Variants in TCAF1 observed in about 807,000 individuals in gnomAD.
TCAF1 encodes the protein TRPM8 channel-associated factor 1.
Under a neutral mutation model 27.3 loss-of-function variants are expected in TCAF1, and 4 were observed. That is an observed-to-expected ratio of 0.15 (90% CI 0.07 to 0.34). TCAF1 has a LOEUF of 0.34. TCAF1 is among the 10% of genes least tolerant of loss of function. TCAF1 has a pLI of 1.00. For missense variants in TCAF1, 257 were observed against 425.8 expected, an observed-to-expected ratio of 0.60 and a Z score of 3.49; for synonymous variants, 105 against 167.1, an observed-to-expected ratio of 0.63 and a Z score of 2.87.
At position 143,860,196 on chromosome 7, in the gene TCAF1, T is replaced by C; in HGVS notation, c.2167+12A>G. 4.3e-6 allele frequency: 1 copy of C among 233,474 alleles called. No individual in the cohort carries two copies. The highest frequency in any genetic ancestry group is 7.6e-6 in the Non-Finnish European group (1 of 132,166). 14.5% of individuals were successfully genotyped at this position (233,474 alleles called of 1,614,324 possible). Reference sequence around the variant, plus strand: ...AGGCAGCATGCACAGAGGGTTTGCTTGGAGCACCCACCCACTGAGATCTGC... The same window carrying C: ...AGGCAGCATGCACAGAGGGTTTGCTCGGAGCACCCACCCACTGAGATCTGC... On this transcript the variant is annotated intron_variant, in intron 6 of 8. Transcript: ENST00000479870.
At chr7:143,881,205 A>G (rs1050173971) in intron 1 of TCAF1, among the ~76,000 whole-genome samples, 1 of 152,202 alleles carries the variant, frequency 6.6e-6, no homozygotes. Flanking sequence ...AAATCCTGAA[A>G]CTAGAGTAAG....
chr7:143,882,843 G>C, intron 1 of TCAF1: 2 of 985,724 alleles, frequency 2.0e-6, no homozygotes, highest in Non-Finnish European at 2.4e-6. Context: ...GGGCGACCGA[G>C]CCGGGATTTG....
intron 1 of TCAF1, among the ~76,000 whole-genome samples, chr7:143,895,114 A>G (rs902798694): frequency 1.3e-5 from 2 of 151,878 alleles, no homozygotes; most frequent in Non-Finnish European, 3.0e-5. Flanking sequence ...GAACTTATAT[A>G]TATTTCTGAT....
At chr7:143,882,854 G>A in intron 1 of TCAF1, 1 of 985,694 alleles carries the variant, frequency 1.0e-6, no homozygotes, top group Non-Finnish European at 1.2e-6. Context: ...CCGGGATTTG[G>A]GAGCGGGGAG....
intron 1 of TCAF1, among the ~76,000 whole-genome samples, chr7:143,899,602 AAAAG>A (rs1357665801): frequency 1.3e-5 from 2 of 152,242 alleles, no homozygotes; most frequent in African/African-American, 4.8e-5. Context: ...GAAAAGCTAT[AAAAG>A]AAAGTACTAC....
At chr7:143,890,678 A>G (rs1193069263) in intron 1 of TCAF1, among the ~76,000 whole-genome samples, 2 of 152,234 alleles carry the variant, frequency 1.3e-5, no homozygotes, top group Non-Finnish European at 2.9e-5. Flanking sequence ...TTTTCATTTT[A>G]CAGTGCAGGG....
intron 1 of TCAF1, among the ~76,000 whole-genome samples, chr7:143,901,435 T>C (rs1040683188): frequency 6.6e-6 from 1 of 152,302 alleles, no homozygotes; most frequent in East Asian, 1.9e-4. Flanking sequence ...GGGAACTGTA[T>C]CACCCAGCAC....
intron 1 of TCAF1, among the ~76,000 whole-genome samples, chr7:143,876,878 A>G (rs767964488): frequency 5.9e-5 from 9 of 152,212 alleles, no homozygotes; most frequent in Non-Finnish European, 1.2e-4. Flanking sequence ...ACAGAATGAA[A>G]GAATGAGCAA....
At chr7:143,886,185 G>A (rs1813396340) in intron 1 of TCAF1, among the ~76,000 whole-genome samples, 1 of 152,134 alleles carries the variant, frequency 6.6e-6, no homozygotes, top group Non-Finnish European at 1.5e-5. Context: ...CTGGTCCCCA[G>A]GGCCCCAGGG....
chr7:143,877,709 G>T (rs1455552596), intron 1 of TCAF1, among the ~76,000 whole-genome samples: 2 of 152,188 alleles, frequency 1.3e-5, no homozygotes, highest in Non-Finnish European at 1.5e-5. Flanking sequence ...TCATGGTCAG[G>T]TCATGCAGGT....
rs1811788230 is a variant in TCAF1 at position 143,859,862 on chromosome 7, T to TAAATATATATATATAC, written c.2167+345_2167+346insGTATATATATATATTT. Among the ~76,000 whole-genome samples, 2 of 64,720 alleles carry TAAATATATATATATAC rather than the reference T, an allele frequency of 3.1e-5. 1 individual carries two copies. Among genetic ancestry groups the TAAATATATATATATAC allele is most frequent in the Non-Finnish European group, 5.5e-5 (2 of 36,058 alleles). 42.5% of individuals were successfully genotyped at this position (64,720 alleles called of 152,430 possible). The stretch of plus-strand genomic sequence containing the variant: ...ACATGCTGACCTAAACTGTTTTATA[T>TAAATATATATATATAC]ACACATATACATATATACATATATA... On this transcript the variant is annotated intron_variant, in intron 6 of 8. Transcript: ENST00000479870.
At chr7:143,894,500 G>C (rs1423979678) in intron 1 of TCAF1, among the ~76,000 whole-genome samples, 1 of 151,690 alleles carries the variant, frequency 6.6e-6, no homozygotes, top group Non-Finnish European at 1.5e-5. Flanking sequence ...AGTAGTTCTT[G>C]ATTGATTAGA....
chr7:143,883,373 ACT>A (rs147928908), intron 1 of TCAF1, among the ~76,000 whole-genome samples: 2,609 of 152,096 alleles, frequency 0.017, 77 homozygotes, highest in African/African-American at 0.058. Flanking sequence ...TTTTTATATA[ACT>A]CTGCACTGTT....
chr7:143,860,003 T>G (rs12673283), intron 6 of TCAF1, among the ~76,000 whole-genome samples: 1 of 6,858 alleles, frequency 1.5e-4, no homozygotes, highest in South Asian at 6.2e-3. Flanking sequence ...TATTATATAA[T>G]ATATATATAA....
chr7:143,881,972 T>G (rs1813053818), intron 1 of TCAF1: 1 of 151,948 alleles, frequency 6.6e-6, no homozygotes, highest in South Asian at 2.1e-4. Flanking sequence ...TCTGCGTGCC[T>G]CAGGGAGTAT....
intron 1 of TCAF1, among the ~76,000 whole-genome samples, chr7:143,897,894 A>T (rs1813960067): frequency 6.6e-6 from 1 of 152,094 alleles, no homozygotes; most frequent in Non-Finnish European, 1.5e-5. Context: ...CAGCATCAGA[A>T]AAGGATAGTA....
chr7:143,884,999 G>T, intron 1 of TCAF1: 10 of 985,376 alleles, frequency 1.0e-5, no homozygotes, highest in Non-Finnish European at 1.2e-5. Context: ...CTACCTCCCT[G>T]GACCCAAAAC....
chr7:143,901,133 A>T (rs1814092890), intron 1 of TCAF1, among the ~76,000 whole-genome samples: 1 of 152,152 alleles, frequency 6.6e-6, no homozygotes, highest in Non-Finnish European at 1.5e-5. Context: ...CATTCGTTTC[A>T]TTATTTTTTA....
At chr7:143,893,010 A>G (rs1813716148) in intron 1 of TCAF1, among the ~76,000 whole-genome samples, 1 of 152,216 alleles carries the variant, frequency 6.6e-6, no homozygotes, top group Admixed American at 6.5e-5. Flanking sequence ...TACTAAATAT[A>G]AATGGATTAA....
Sources: gnomAD v4.1 joint callset for allele counts (sites outside exome capture counted in the v4.1 genomes callset) on GRCh38, gnomAD v4.1.1 for gene constraint, MANE v1.5 for transcripts, NCBI Gene and HGNC (gene_info 2026-07-23, HGNC 2026-07-21) for gene names.